ADK: variants seen among roughly 807,000 people sequenced by gnomAD.
The protein encoded by ADK is N6,N6-dimethyladenosine kinase.
In ADK, 24 loss-of-function variants were observed where a neutral mutation model predicts 44.7. That is an observed-to-expected ratio of 0.54 (90% CI 0.39 to 0.76). ADK has a LOEUF of 0.76. Ranked by LOEUF, ADK falls within the 30% of genes least tolerant of loss-of-function variation. The probability of loss-of-function intolerance (pLI) is 0.00; values close to 1 mark genes in which losing one functional copy is unlikely to be tolerated. For missense variants in ADK, 321 were observed against 425.1 expected (o/e 0.76, Z 2.15); for synonymous variants, 128 against 142.6 (o/e 0.90, Z 0.73).
intron 4 of ADK, among the ~76,000 whole-genome samples, chr10:74,322,953 C>T (rs1300329117): frequency 6.6e-6 from 1 of 152,098 alleles, no homozygotes; most frequent in Non-Finnish European, 1.5e-5. Flanking sequence ...TGGTTGTGCT[C>T]TCCAGGATAA....
rs538007497 is a variant in ADK at position 74,424,346 on chromosome 10, C to T, written c.555+25767C>T. Among the ~76,000 whole-genome samples the T allele has an allele frequency of 2.6e-5, 4 of 151,986 alleles. No individual in the cohort carries two copies. In the South Asian group the frequency reaches 8.3e-4, roughly 32 times the overall value. On this transcript the variant is annotated intron_variant, in intron 6 of 10. Transcript: ENST00000539909. Reference sequence around the variant, plus strand: ...GGTCAGGAGTTCATGACCAGCCTGACCAACATGGAGAAACCCTGCCTCTAC... The same window carrying T: ...GGTCAGGAGTTCATGACCAGCCTGATCAACATGGAGAAACCCTGCCTCTAC...
chr10:74,317,178 A>G (rs1840653345), intron 4 of ADK, among the ~76,000 whole-genome samples: 1 of 152,216 alleles, frequency 6.6e-6, no homozygotes, highest in Non-Finnish European at 1.5e-5. Flanking sequence ...TCTTGTCCAA[A>G]CACAATTCTA....
At chr10:74,674,344 C>T (rs944736768) in intron 10 of ADK, among the ~76,000 whole-genome samples, 11 of 152,310 alleles carry the variant, frequency 7.2e-5, no homozygotes, top group African/African-American at 2.4e-4. Context: ...TTGGAAATAA[C>T]AGCTGTTGGC....
chr10:74,495,237 A>G (rs1446225829), intron 6 of ADK, among the ~76,000 whole-genome samples: 1 of 152,074 alleles, frequency 6.6e-6, no homozygotes, highest in Non-Finnish European at 1.5e-5. Flanking sequence ...TTTTTAAATG[A>G]AATTTTACTT....
Position 74,551,751 on chromosome 10 carries a change from T to C in ADK, c.726+26325T>C, listed in dbSNP as rs76078793. Among the ~76,000 whole-genome samples, 929 of 152,286 alleles carry C rather than the reference T, an allele frequency of 6.1e-3. 10 individuals are homozygous for C. Among genetic ancestry groups the C allele is most frequent in the African/African-American group, 0.021 (883 of 41,560 alleles). On this transcript the variant is annotated intron_variant, in intron 7 of 10. Coordinates refer to ENST00000539909, the MANE Select transcript of ADK (RefSeq NM_006721.4). ...CCATATTTGTTCTCATTTTATGCCA[T>C]TTACTTAGTAAATGTACATACCTTA... is the stretch of plus-strand genomic sequence containing the variant.
chr10:74,305,951 G>A (rs568757075), intron 3 of ADK, among the ~76,000 whole-genome samples: 4 of 151,928 alleles, frequency 2.6e-5, no homozygotes, highest in African/African-American at 7.2e-5. Context: ...TTTCAAACTC[G>A]TGGGTTCAAG....
chr10:74,406,170 T>C (rs1169159271), intron 6 of ADK, among the ~76,000 whole-genome samples: 1 of 152,186 alleles, frequency 6.6e-6, no homozygotes, highest in African/African-American at 2.4e-5. Context: ...ATGTCCAGTG[T>C]ATTAAAAACC....
chr10:74,182,346 CTTT>C (rs1389179633), intron 1 of ADK, among the ~76,000 whole-genome samples: 2 of 83,950 alleles, frequency 2.4e-5, no homozygotes, highest in Non-Finnish European at 5.8e-5. Flanking sequence ...AAACAGAAAT[CTTT>C]TTATTTATTT....
chr10:74,335,501 A>G (rs991915068), intron 4 of ADK, among the ~76,000 whole-genome samples: 1 of 152,184 alleles, frequency 6.6e-6, no homozygotes, highest in Non-Finnish European at 1.5e-5. Flanking sequence ...TTGTGTCTCT[A>G]TCCACTCTAG....
chr10:74,571,251 T>C (rs1236227503), intron 7 of ADK, among the ~76,000 whole-genome samples: 1 of 152,196 alleles, frequency 6.6e-6, no homozygotes, highest in Non-Finnish European at 1.5e-5. Context: ...AAAATTCTCT[T>C]TTTTTGTTGT....
At chr10:74,363,322 G>A (rs1842397979) in intron 4 of ADK, among the ~76,000 whole-genome samples, 1 of 152,152 alleles carries the variant, frequency 6.6e-6, no homozygotes, top group Admixed American at 6.5e-5. Context: ...TGAGAGCCTG[G>A]TCTTGGCTCA....
chr10:74,216,100 C>G (rs892097009), intron 2 of ADK, among the ~76,000 whole-genome samples: 2 of 152,050 alleles, frequency 1.3e-5, no homozygotes, highest in African/African-American at 4.8e-5. Flanking sequence ...TTCTGTTATA[C>G]TTTTCACACC....
At chr10:74,387,254 T>C (rs2099373847) in intron 4 of ADK, among the ~76,000 whole-genome samples, 1 of 152,142 alleles carries the variant, frequency 6.6e-6, no homozygotes, top group African/African-American at 2.4e-5. Flanking sequence ...AGTTTTAACA[T>C]TAGATTACTA....
chr10:74,404,668 T>C (rs1464961986), intron 6 of ADK, among the ~76,000 whole-genome samples: 1 of 152,226 alleles, frequency 6.6e-6, no homozygotes, highest in East Asian at 1.9e-4. Flanking sequence ...CAACCCCCAT[T>C]CCCCAAATTT....
chr10:74,633,698 C>T (rs1344320565), intron 9 of ADK, among the ~76,000 whole-genome samples: 1 of 152,136 alleles, frequency 6.6e-6, no homozygotes, highest in Non-Finnish European at 1.5e-5. Flanking sequence ...TATTACAAAA[C>T]CAACTACCTG....
At chr10:74,695,618 GGGT>G (rs756247785) in intron 10 of ADK, among the ~76,000 whole-genome samples, 1,665 of 106,822 alleles carry the variant, frequency 0.016, 18 homozygotes, top group African/African-American at 0.026. Flanking sequence ...TGTATGTGTG[GGGT>G]GTGTGTGTGT....
intron 4 of ADK, among the ~76,000 whole-genome samples, chr10:74,384,876 G>GT (rs1843090909): frequency 6.6e-6 from 1 of 152,128 alleles, no homozygotes; most frequent in Non-Finnish European, 1.5e-5. Context: ...CAATCATAAA[G>GT]TTGTTTATGT....
intron 6 of ADK, chr10:74,423,632 C>T (rs754400720): frequency 1.2e-4 from 45 of 375,546 alleles, no homozygotes; most frequent in Middle Eastern, 4.9e-4. Context: ...TCCTGTGCTT[C>T]GTGGAATTCT....
At chr10:74,580,323 C>T (rs995792443) in intron 7 of ADK, among the ~76,000 whole-genome samples, 1 of 152,092 alleles carries the variant, frequency 6.6e-6, no homozygotes, top group South Asian at 2.1e-4. Context: ...CACCTGTAAT[C>T]CCAGCATTTT....
Sources: gnomAD v4.1 joint callset for allele counts (sites outside exome capture counted in the v4.1 genomes callset) on GRCh38, gnomAD v4.1.1 for gene constraint, MANE v1.5 for transcripts, NCBI Gene and HGNC (gene_info 2026-07-23, HGNC 2026-07-21) for gene names.